Variants in SRPK2 observed in about 807,000 individuals in gnomAD.
The protein encoded by SRPK2 is SFRS protein kinase 2.
In SRPK2, 21 loss-of-function variants were observed where a neutral mutation model predicts 90.8. The ratio of observed to expected loss-of-function variants is 0.23; its 90% CI spans 0.16 to 0.33. The LOEUF (loss-of-function observed/expected upper bound fraction) is 0.33. SRPK2 is among the 10% of genes least tolerant of loss of function. SRPK2 has a pLI of 1.00. For synonymous variants in SRPK2, 288 were observed against 311.1 expected (o/e 0.93, Z 0.78); for missense variants, 620 against 869.0 (o/e 0.71, Z 3.60).
intron 2 of SRPK2, among the ~76,000 whole-genome samples, chr7:105,235,897 G>T (rs1274554929): frequency 6.6e-6 from 1 of 152,180 alleles, no homozygotes; most frequent in Admixed American, 6.5e-5. Context: ...TTCTCCGGGG[G>T]ATAATTTCTT....
At chr7:105,241,431 C>T (rs1415775807) in intron 2 of SRPK2, among the ~76,000 whole-genome samples, 1 of 152,196 alleles carries the variant, frequency 6.6e-6, no homozygotes, top group African/African-American at 2.4e-5. Flanking sequence ...AGCATGTGAT[C>T]ATTCCTCTAA....
rs1790874055 is a variant in SRPK2, at chr7:105,170,891, GAAA to G, written c.230-1629_230-1627del. Reference sequence around the variant, plus strand: ...AGAAAGAAAGAAAGAAAGAAAGAAAGAAAGAAAGAAAGAAAGAAAGAAAGGAGA... The same window carrying G: ...AGAAAGAAAGAAAGAAAGAAAGAAAGGAAAGAAAGAAAGAAAGAAAGGAGA... On this transcript the variant is annotated intron_variant, in intron 3 of 15. Transcript: ENST00000393651. Among the ~76,000 whole-genome samples, 116 of 85,492 alleles carry G rather than the reference GAAA, an allele frequency of 1.4e-3. 2 individuals are homozygous for G. Among genetic ancestry groups the G allele is most frequent in the Admixed American group, 2.2e-3 (16 of 7,180 alleles). The allele number at this position is 85,492 out of a possible 152,430, so 56.1% of individuals were successfully genotyped here.
chr7:105,280,833 G>A (rs1247274757), intron 2 of SRPK2, among the ~76,000 whole-genome samples: 1 of 150,552 alleles, frequency 6.6e-6, no homozygotes, highest in African/African-American at 2.4e-5. Flanking sequence ...TGTAGTCCCA[G>A]CTACTCAGGA....
intron 13 of SRPK2, among the ~76,000 whole-genome samples, chr7:105,128,895 A>G (rs1277841064): frequency 6.6e-6 from 1 of 151,962 alleles, no homozygotes; most frequent in Non-Finnish European, 1.5e-5. Flanking sequence ...TATGTCAGGT[A>G]TGTATTCTTT....
At chr7:105,283,143 C>G (rs893221637) in intron 2 of SRPK2, among the ~76,000 whole-genome samples, 3 of 152,142 alleles carry the variant, frequency 2.0e-5, no homozygotes, top group African/African-American at 7.2e-5. Context: ...CAGATAATAC[C>G]TATTATTGGT....
intron 2 of SRPK2, among the ~76,000 whole-genome samples, chr7:105,310,991 G>A (rs1275883547): frequency 6.6e-6 from 1 of 152,102 alleles, no homozygotes; most frequent in African/African-American, 2.4e-5. Context: ...CAATCTAGGA[G>A]GGGCTCGGTT....
At chr7:105,201,735 C>T (rs991390604) in intron 3 of SRPK2, among the ~76,000 whole-genome samples, 1 of 151,760 alleles carries the variant, frequency 6.6e-6, no homozygotes, top group African/African-American at 2.4e-5. Context: ...AAGCCCAAGA[C>T]TCAGGAGGCT....
Position 105,187,890 on chromosome 7 carries a change from C to T in SRPK2, c.229+15738G>A, listed in dbSNP as rs538369714. On this transcript the variant is annotated intron_variant, in intron 3 of 15. Transcript: ENST00000393651. ...GCAAGTAAGTCACAAGAAAAATAAA[C>T]ATAAAAGGGACAAAGGTGAGTAAAT... 7.8e-4 allele frequency among the ~76,000 whole-genome samples: 118 copies of T among 152,128 alleles called. No individual in the cohort carries two copies. The South Asian group carries it at 0.01, about 13-fold the overall frequency.
intron 2 of SRPK2, among the ~76,000 whole-genome samples, chr7:105,338,062 T>C (rs1043549198): frequency 7.2e-6 from 1 of 139,658 alleles, no homozygotes; most frequent in African/African-American, 2.7e-5. Flanking sequence ...AAAAAAAACT[T>C]TAAAAAAGAA....
At chr7:105,293,605 A>G (rs1215842265) in intron 2 of SRPK2, among the ~76,000 whole-genome samples, 4 of 151,838 alleles carry the variant, frequency 2.6e-5, no homozygotes, top group African/African-American at 9.7e-5. Context: ...TTTTTAGTAG[A>G]GACGGGTTTC....
chr7:105,140,043 G>A (rs1803480189), intron 11 of SRPK2, among the ~76,000 whole-genome samples: 1 of 151,906 alleles, frequency 6.6e-6, no homozygotes, highest in African/African-American at 2.4e-5. Context: ...TTGATCTCTA[G>A]TTATTTATAA....
Position 105,132,855 on chromosome 7 carries a change from G to C in SRPK2, c.1688C>G (p.Ser563Cys), listed in dbSNP as rs1244672571. The change falls in exon 13 of 16, where the codon TCC becomes TGC. Residue 563 changes from serine to cysteine, a missense_variant. Transcript: ENST00000393651. ...TEDIQTRQYR[S>C]IEVLIGAGYS... is the part of the protein sequence containing the mutation. ...CCCCGCTCCTATTAAAACCTCTATG[G>C]AGCGGTACTGACGCGTCTGGATGTC... is the stretch of plus-strand genomic sequence containing the variant. 12 of 1,611,284 alleles carry C rather than the reference G, an allele frequency of 7.4e-6. No homozygotes were observed. The highest frequency in any genetic ancestry group is 9.3e-6 in the Non-Finnish European group (11 of 1,178,614).
intron 7 of SRPK2, chr7:105,160,253 A>T: frequency 1.9e-5 from 4 of 212,352 alleles, no homozygotes; most frequent in Non-Finnish European, 2.8e-5. Context: ...CACATACCTT[A>T]AAAAAAAAAA....
chr7:105,151,694 G>A (rs898367654), intron 7 of SRPK2, among the ~76,000 whole-genome samples: 3 of 151,600 alleles, frequency 2.0e-5, no homozygotes, highest in Non-Finnish European at 4.4e-5. Context: ...TTACAGGTGT[G>A]AGCCACCACA....
At chr7:105,368,598 C>T (rs1292216068) in intron 2 of SRPK2, among the ~76,000 whole-genome samples, 2 of 152,060 alleles carry the variant, frequency 1.3e-5, no homozygotes, top group East Asian at 1.9e-4. Context: ...TCAAGAGCCA[C>T]GCTCTGCTGG....
chr7:105,254,375 A>G (rs1802926539), intron 2 of SRPK2, among the ~76,000 whole-genome samples: 1 of 152,220 alleles, frequency 6.6e-6, no homozygotes, highest in South Asian at 2.1e-4. Context: ...TGCCAATGAC[A>G]ACGTAAAGAT....
chr7:105,167,974 T>C (rs1193029795), intron 5 of SRPK2, 34 bp downstream of exon 5: 2 of 1,502,264 alleles, frequency 1.3e-6, no homozygotes, highest in South Asian at 2.5e-5. Flanking sequence ...GTCATTAAGT[T>C]TTCTTATATC....
intron 2 of SRPK2, among the ~76,000 whole-genome samples, chr7:105,238,424 T>A (rs1800394430): frequency 6.6e-6 from 1 of 152,230 alleles, no homozygotes; most frequent in South Asian, 2.1e-4. Flanking sequence ...AGGCTCAGTT[T>A]GTAACATGCC....
intron 2 of SRPK2, among the ~76,000 whole-genome samples, chr7:105,333,548 CTAA>C (rs1814694697): frequency 1.3e-5 from 2 of 152,248 alleles, no homozygotes; most frequent in South Asian, 4.1e-4. Context: ...ATGAAAACTG[CTAA>C]TATTACAAAA....
Sources: gnomAD v4.1 joint callset for allele counts (sites outside exome capture counted in the v4.1 genomes callset) on GRCh38, gnomAD v4.1.1 for gene constraint, MANE v1.5 for transcripts, NCBI Gene and HGNC (gene_info 2026-07-23, HGNC 2026-07-21) for gene names.